The following CSMD1 variants were observed in gnomAD, a reference collection of about 807,000 sequenced individuals.
CSMD1 encodes the protein CUB and sushi domain-containing protein 1.
A neutral mutation model predicts 417.5 loss-of-function variants in CSMD1; 213 were observed. The observed-to-expected ratio is 0.51, with a 90% CI of 0.46 to 0.57. The LOEUF is 0.57. CSMD1 is among the 20% of genes least tolerant of loss of function. The pLI, the probability that CSMD1 is intolerant of heterozygous loss-of-function variation, is 0.00. For synonymous variants in CSMD1, 2,862 were observed against 1,736.8 expected (o/e 1.65, Z -16.11); for missense variants, 6,923 against 4,529.7 (o/e 1.53, Z -15.17).
At chr8:3,140,748 T>C (rs906337720) in intron 41 of CSMD1, among the ~76,000 whole-genome samples, 5 of 152,002 alleles carry the variant, frequency 3.3e-5, no homozygotes, top group Non-Finnish European at 7.4e-5. Flanking sequence ...AGTTAGGCTC[T>C]AGATTTAACG....
At chr8:3,824,255 A>G (rs1418860658) in intron 5 of CSMD1, among the ~76,000 whole-genome samples, 3 of 152,120 alleles carry the variant, frequency 2.0e-5, no homozygotes, top group African/African-American at 7.2e-5. Flanking sequence ...CAAAAACCAA[A>G]AAAAAAAAAC....
intron 2 of CSMD1, among the ~76,000 whole-genome samples, chr8:4,636,023 T>C (rs1802793441): frequency 6.6e-6 from 1 of 151,982 alleles, no homozygotes; most frequent in Non-Finnish European, 1.5e-5. Flanking sequence ...AATGAATATA[T>C]TTTATATTTA....
chr8:3,632,235 G>A (rs974894679), intron 7 of CSMD1, among the ~76,000 whole-genome samples: 10 of 152,126 alleles, frequency 6.6e-5, no homozygotes, highest in African/African-American at 1.9e-4. Flanking sequence ...CATTTCTAGG[G>A]CTGGGCTTTA....
intron 3 of CSMD1, among the ~76,000 whole-genome samples, chr8:4,037,680 G>A (rs932116542): frequency 6.6e-6 from 1 of 152,122 alleles, no homozygotes; most frequent in Non-Finnish European, 1.5e-5. Context: ...TGATTTTAAA[G>A]GGGAAGGTGT....
chr8:4,981,902 C>T (rs1368179966), intron 1 of CSMD1, among the ~76,000 whole-genome samples: 3 of 152,162 alleles, frequency 2.0e-5, no homozygotes, highest in Non-Finnish European at 4.4e-5. Flanking sequence ...CTCTCTCCCC[C>T]AACCCCACTC....
intron 12 of CSMD1, among the ~76,000 whole-genome samples, chr8:3,458,990 T>C (rs1816325106): frequency 6.6e-6 from 1 of 152,094 alleles, no homozygotes; most frequent in African/African-American, 2.4e-5. Context: ...AGCTGGGCCT[T>C]GGGGAAGGGA....
At chr8:4,018,436 G>C (rs1156235811) in intron 4 of CSMD1, among the ~76,000 whole-genome samples, 1 of 152,148 alleles carries the variant, frequency 6.6e-6, no homozygotes, top group Non-Finnish European at 1.5e-5. Context: ...CAATCTCTGA[G>C]TAGCTGCAGG....
At chr8:3,698,275 A>AT (rs1290684475) in intron 7 of CSMD1, among the ~76,000 whole-genome samples, 5 of 152,162 alleles carry the variant, frequency 3.3e-5, no homozygotes, top group Non-Finnish European at 7.3e-5. Flanking sequence ...CTGATGAAGC[A>AT]TTTTTTACAA....
intron 5 of CSMD1, among the ~76,000 whole-genome samples, chr8:3,797,463 G>T (rs76225340): frequency 0.01 from 1,560 of 151,720 alleles, 20 homozygotes; most frequent in Non-Finnish European, 0.015. Context: ...CAACTTTTCT[G>T]GTTTTATTAC....
chr8:4,338,053 T>G (rs1800272715), intron 3 of CSMD1, among the ~76,000 whole-genome samples: 1 of 152,168 alleles, frequency 6.6e-6, no homozygotes, highest in Non-Finnish European at 1.5e-5. Context: ...TCTGCTTCAA[T>G]AAAGCCCCAT....
At chr8:3,826,390 G>A (rs1349484286) in intron 5 of CSMD1, among the ~76,000 whole-genome samples, 2 of 152,166 alleles carry the variant, frequency 1.3e-5, no homozygotes, top group Admixed American at 1.3e-4. Flanking sequence ...GAGTTCCCAA[G>A]ACAACTGATC....
At chr8:4,394,948 G>C (rs968558282) in intron 3 of CSMD1, among the ~76,000 whole-genome samples, 3 of 152,198 alleles carry the variant, frequency 2.0e-5, no homozygotes, top group East Asian at 1.9e-4. Flanking sequence ...AGCTCAAGAA[G>C]TTAAGAAAGG....
At chr8:4,859,407 T>C (rs1801996019) in intron 1 of CSMD1, among the ~76,000 whole-genome samples, 1 of 151,772 alleles carries the variant, frequency 6.6e-6, no homozygotes, top group Non-Finnish European at 1.5e-5. Flanking sequence ...AAAGAAAAAA[T>C]TGACAAATGG....
intron 1 of CSMD1, among the ~76,000 whole-genome samples, chr8:4,757,144 G>A (rs1019931574): frequency 3.3e-5 from 5 of 152,124 alleles, no homozygotes; most frequent in Non-Finnish European, 5.9e-5. Flanking sequence ...GAATAGATGC[G>A]AATAACCAGA....
Position 4,743,910 on chromosome 8 carries a change from A to G in CSMD1, c.86-106352T>C, listed in dbSNP as rs185784809. On this transcript the variant is annotated intron_variant, in intron 1 of 69. Coordinates refer to ENST00000635120, the MANE Select transcript of CSMD1 (RefSeq NM_033225.6). ...TCCCTATATCCAGCCAAGCCGATTA[A>G]AGCTAGAAGTTTATAAACCACAGCA... Among the ~76,000 whole-genome samples, 146 of 152,274 alleles carry G rather than the reference A, an allele frequency of 9.6e-4. 2 individuals carry two copies. Among genetic ancestry groups the G allele is most frequent in the South Asian group, 5.4e-3 (26 of 4,826 alleles).
intron 61 of CSMD1, among the ~76,000 whole-genome samples, chr8:2,961,702 A>C (rs961510487): frequency 6.6e-6 from 1 of 152,190 alleles, no homozygotes; most frequent in Non-Finnish European, 1.5e-5. Context: ...GACATTTTTC[A>C]AAAAACACAG....
At chr8:4,189,037 C>G (rs78036308) in intron 3 of CSMD1, among the ~76,000 whole-genome samples, 2,846 of 152,116 alleles carry the variant, frequency 0.019, 99 homozygotes, top group African/African-American at 0.064. Context: ...CCACTGAAAG[C>G]CCAGGTTTTA....
chr8:3,093,221 A>T (rs1815068587), intron 47 of CSMD1, among the ~76,000 whole-genome samples: 2 of 152,168 alleles, frequency 1.3e-5, no homozygotes, highest in Admixed American at 1.3e-4. Flanking sequence ...GATCTAATAT[A>T]ACTGATGTCT....
At chr8:3,036,654 A>G (rs1347738147) in intron 50 of CSMD1, among the ~76,000 whole-genome samples, 1 of 152,170 alleles carries the variant, frequency 6.6e-6, no homozygotes, top group Admixed American at 6.5e-5. Flanking sequence ...CCTAAATAAC[A>G]AGACAACTTT....
Sources: allele counts gnomAD v4.1 joint callset (sites outside exome capture counted in the v4.1 genomes callset), GRCh38; gene constraint gnomAD v4.1.1; transcripts MANE v1.5; gene names NCBI Gene and HGNC (gene_info 2026-07-23, HGNC 2026-07-21).